HEMK2: variants seen among roughly 807,000 people sequenced by gnomAD.
The protein encoded by HEMK2 is HemK methyltransferase 2, ETF1 glutamine and histone H4 lysine.
the HEMK2 span, among the ~76,000 whole-genome samples, chr21:28,878,686 A>C: frequency 6.6e-6 from 1 of 151,856 alleles, no homozygotes; most frequent in African/African-American, 2.4e-5. Context: ...AGTTTTGAGA[A>C]CATTGCCCTG....
At chr21:28,614,501 GA>G in the HEMK2 span, among the ~76,000 whole-genome samples, 1 of 152,028 alleles carries the variant, frequency 6.6e-6, no homozygotes, top group African/African-American at 2.4e-5. Context: ...GAAGTTTTCA[GA>G]GTGAAAAATA....
chr21:28,822,814 C>CTT, the HEMK2 span, among the ~76,000 whole-genome samples: 4 of 152,084 alleles, frequency 2.6e-5, no homozygotes, highest in Non-Finnish European at 5.9e-5. Flanking sequence ...TCAGATGGAC[C>CTT]TTCTGAAATG....
At chr21:28,805,564 G>A in the HEMK2 span, among the ~76,000 whole-genome samples, 1 of 152,208 alleles carries the variant, frequency 6.6e-6, no homozygotes, top group Admixed American at 6.5e-5. Context: ...CGTCAGCTCA[G>A]TAGCTTCTCA....
the HEMK2 span, among the ~76,000 whole-genome samples, chr21:28,779,868 GA>G: frequency 1.4e-5 from 2 of 147,578 alleles, no homozygotes; most frequent in Non-Finnish European, 3.0e-5. Context: ...TTTATTGTAA[GA>G]ATTTTCTTGT....
At chr21:28,729,936 C>T in the HEMK2 span, among the ~76,000 whole-genome samples, 3 of 152,202 alleles carry the variant, frequency 2.0e-5, no homozygotes, top group East Asian at 5.8e-4. Context: ...GTCATCTTTA[C>T]GACCCAATAT....
the HEMK2 span, among the ~76,000 whole-genome samples, chr21:28,823,528 C>T: frequency 4.6e-5 from 7 of 152,154 alleles, no homozygotes; most frequent in Non-Finnish European, 1.0e-4. Flanking sequence ...ACTGAACCAT[C>T]TCAGACACTG....
the HEMK2 span, among the ~76,000 whole-genome samples, chr21:28,785,988 T>C: frequency 6.6e-6 from 1 of 152,250 alleles, no homozygotes; most frequent in Admixed American, 6.5e-5. Flanking sequence ...GTTCACACTT[T>C]CCTTGTGGTC....
At chr21:28,580,347 T>TG in the HEMK2 span, among the ~76,000 whole-genome samples, 1 of 152,140 alleles carries the variant, frequency 6.6e-6, no homozygotes, top group Admixed American at 6.5e-5. Context: ...TACAGAGCCC[T>TG]GCAAGGTCAC....
chr21:28,612,436 G>A, the HEMK2 span, among the ~76,000 whole-genome samples: 1 of 152,070 alleles, frequency 6.6e-6, no homozygotes, highest in Non-Finnish European at 1.5e-5. Flanking sequence ...CATACCTTAA[G>A]GTAATAAACA....
At chr21:28,827,103 T>A in the HEMK2 span, among the ~76,000 whole-genome samples, 1 of 152,158 alleles carries the variant, frequency 6.6e-6, no homozygotes, top group Admixed American at 6.5e-5. Flanking sequence ...AGTTATGATG[T>A]GCCATCTCAA....
chr21:28,669,251 C>T, the HEMK2 span, among the ~76,000 whole-genome samples: 4 of 152,098 alleles, frequency 2.6e-5, no homozygotes, highest in East Asian at 1.9e-4. Flanking sequence ...CCTAGCAACT[C>T]GGGAGGGTGA....
chr21:28,575,715 A>G, the HEMK2 span, among the ~76,000 whole-genome samples: 71,092 of 152,096 alleles, frequency 0.47, 20,637 homozygotes, highest in Non-Finnish European at 0.64. Context: ...CTACCACCCA[A>G]TGAAGACACA....
chr21:28,594,275 T>C, the HEMK2 span, among the ~76,000 whole-genome samples: 4 of 152,194 alleles, frequency 2.6e-5, no homozygotes, highest in Admixed American at 2.0e-4. Flanking sequence ...ATATCATGTA[T>C]GAAATTCAGA....
the HEMK2 span, among the ~76,000 whole-genome samples, chr21:28,699,253 T>C: frequency 6.6e-6 from 1 of 152,214 alleles, no homozygotes; most frequent in Non-Finnish European, 1.5e-5. Flanking sequence ...TCTGAATAAT[T>C]TATAAACAAC....
the HEMK2 span, among the ~76,000 whole-genome samples, chr21:28,629,224 G>A: frequency 0.028 from 4,259 of 152,270 alleles, 73 homozygotes; most frequent in Non-Finnish European, 0.041. Flanking sequence ...CTTGGATTTG[G>A]ATTACCTCTT....
At chr21:28,694,000 GTAGA>G in the HEMK2 span, among the ~76,000 whole-genome samples, 1 of 152,120 alleles carries the variant, frequency 6.6e-6, no homozygotes, top group South Asian at 2.1e-4. Context: ...TGTATGAGTA[GTAGA>G]TAGTACAAAC....
At chr21:28,601,642 C>T in the HEMK2 span, among the ~76,000 whole-genome samples, 1 of 144,876 alleles carries the variant, frequency 6.9e-6, no homozygotes, top group Admixed American at 7.0e-5. Context: ...CTCTCTCTCT[C>T]TCTTTCTGTA....
At chr21:28,882,246 T>C in the HEMK2 span, 4 of 1,611,102 alleles carry the variant, frequency 2.5e-6, no homozygotes, top group Non-Finnish European at 3.4e-6. Context: ...TTGATATCAG[T>C]GCACCTATAA....
At chr21:28,824,495 A>G in the HEMK2 span, among the ~76,000 whole-genome samples, 2 of 152,208 alleles carry the variant, frequency 1.3e-5, no homozygotes, top group East Asian at 1.9e-4. Context: ...ACATAATTTC[A>G]TTTGTCTTCA....
Sources: allele counts gnomAD v4.1 joint callset (sites outside exome capture counted in the v4.1 genomes callset), GRCh38; gene constraint gnomAD v4.1.1; transcripts MANE v1.5; gene names NCBI Gene and HGNC (gene_info 2026-07-23, HGNC 2026-07-21).